Variants in PASK observed in about 807,000 individuals in gnomAD.
PASK encodes PAS domain containing serine/threonine kinase, also known as PAS domain-containing serine/threonine-protein kinase.
PASK carries 110 observed loss-of-function variants against 121.0 expected under a neutral mutation model. The ratio of observed to expected loss-of-function variants is 0.91; its 90% CI spans 0.78 to 1.06. The LOEUF (loss-of-function observed/expected upper bound fraction) is 1.06. Ranked by LOEUF, PASK falls within the 50% of genes least tolerant of loss-of-function variation. The pLI, the probability that PASK is intolerant of heterozygous loss-of-function variation, is 0.00. For missense variants in PASK, 1,643 were observed against 1,702.3 expected, an observed-to-expected ratio of 0.97 and a Z score of 0.61; for synonymous variants, 686 against 717.8, an observed-to-expected ratio of 0.96 and a Z score of 0.71.
chr2:241,115,934 A>G lies in PASK; in HGVS notation c.3073-521T>C, dbSNP rs62187392. ...TCCCGTTACACCAGGGGCCACCATC[A>G]GTCCTCAAGCATCCCATTACGCCGG... On this transcript the variant is annotated intron_variant, in intron 12 of 17. Coordinates refer to ENST00000234040, the MANE Select transcript of PASK (RefSeq NM_015148.4). Among the ~76,000 whole-genome samples the G allele has an allele frequency of 2.8e-3, 213 of 76,734 alleles. 10 individuals are homozygous for G. Among genetic ancestry groups the G allele is most frequent in the East Asian group, 0.015 (17 of 1,104 alleles). The allele number at this position is 76,734 out of a possible 152,430, so 50.3% of individuals were successfully genotyped here.
intron 2 of PASK, among the ~76,000 whole-genome samples, chr2:241,141,111 C>A (rs762586157): frequency 1.8e-4 from 28 of 152,198 alleles, no homozygotes; most frequent in Admixed American, 6.5e-4. Flanking sequence ...GAGACCCTGT[C>A]CCTACTAAAA....
rs201811589 is a variant in PASK, at chr2:241,126,978, G to A, written c.1937C>T (p.Pro646Leu). The change falls in exon 10 of 18, where the codon CCG becomes CTG. Residue 646 changes from proline (P) to leucine (L), a missense_variant. By Grantham distance (98) the Pro-to-Leu change is moderately conservative. Coordinates refer to ENST00000234040, the MANE Select transcript of PASK (RefSeq NM_015148.4). ...TCGGTCGTTTTCCACTCCCAGCCACGGCTCATCTAGAGTAGGTGTCCCAAA... is the reference window on the plus strand; with the variant it reads ...TCGGTCGTTTTCCACTCCCAGCCACAGCTCATCTAGAGTAGGTGTCCCAAA... ...LSFGTPTLDE[P>L]WLGVENDREE... is the part of the protein sequence containing the mutation. 1.5e-4 allele frequency: 249 copies of A among 1,614,124 alleles called. 1 individual carries two copies. The highest frequency in any genetic ancestry group is 1.8e-4 in the Non-Finnish European group (207 of 1,180,042).
chr2:241,130,584 A>G lies in PASK; in HGVS notation c.1463+2290T>C, dbSNP rs555117639. Among the ~76,000 whole-genome samples, 12 of 152,238 alleles carry G rather than the reference A, an allele frequency of 7.9e-5. No homozygotes were observed. The East Asian group carries it at 2.1e-3, about 27-fold the overall frequency. ...TGGTGGCACCTCTGGAGAGGTGCGC[A>G]CAGCAATATTATTCATAGTAATATT... is the stretch of plus-strand genomic sequence containing the variant. On this transcript the variant is annotated intron_variant, in intron 9 of 17. Coordinates refer to ENST00000234040, the MANE Select transcript of PASK (RefSeq NM_015148.4).
chr2:241,129,020 G>T (rs878915757), intron 9 of PASK, among the ~76,000 whole-genome samples: 8 of 117,996 alleles, frequency 6.8e-5, no homozygotes, highest in Non-Finnish European at 9.3e-5. Context: ...CATGTCTCCC[G>T]CCTCTCTCCC....
rs145051433 is a variant in PASK at position 241,115,395 on chromosome 2, T to C, written c.3091A>G (p.Lys1031Glu). 236 of 1,613,842 alleles carry C rather than the reference T, an allele frequency of 1.5e-4. No homozygotes were observed. The highest frequency in any genetic ancestry group is 2.0e-4 in the Non-Finnish European group (231 of 1,179,834). The change falls in exon 13 of 18, where the codon AAG (lysine) becomes GAG (glutamate). Residue 1031 changes from lysine to glutamate, a missense_variant. Coordinates refer to ENST00000234040, the MANE Select transcript of PASK (RefSeq NM_015148.4). ...KNKEVVVKFI[K>E]KEKVLEDCWI... ...CAATCCTCCAAGACCTTCTCCTTCT[T>C]AATAAACTTCACCACCACCTGTGAG...
rs777032152 is a variant in PASK, at chr2:241,142,987, G to A, written c.46C>T (p.Leu16Phe). ...ACTGGCAAGGGGAGGCTCTGGGAAA[G>A]GCATCTCTGGTCCTCTTCAAAGGCT... is the stretch of plus-strand genomic sequence containing the variant. ...LTAFEEDQRC[L>F]SQSLPLPVSA... is the part of the protein sequence containing the mutation. Residue 16 changes from leucine to phenylalanine, a missense_variant, in exon 2 of 18, where the codon CTT (leucine) becomes TTT (phenylalanine). Transcript: ENST00000234040. The A allele has an allele frequency of 6.2e-6, 10 of 1,613,926 alleles. No homozygotes were observed. Among genetic ancestry groups the A allele is most frequent in the Admixed American group, 5.0e-5 (3 of 60,004 alleles).
rs142827509 is a variant in PASK, at chr2:241,112,423, C to T, written c.3350G>A (p.Gly1117Glu). 818 of 1,613,128 alleles carry T rather than the reference C, an allele frequency of 5.1e-4. 2 individuals carry two copies. The highest frequency in any genetic ancestry group is 3.5e-4 in the Non-Finnish European group (415 of 1,179,298). ...YIFRQLVSAV[G>E]YLRLKDIIHR... is the part of the protein sequence containing the mutation. ...GATGATGTCCTTCAAGCGCAGGTAT[C>T]CCACTGCTGACACTAGCTGGAATCA... Residue 1117 changes from glycine to glutamate, a missense_variant, in exon 15 of 18, where the codon GGA becomes GAA. Coordinates refer to ENST00000234040, the MANE Select transcript of PASK (RefSeq NM_015148.4). The surrounding 1 kb of genome is among the most constrained non-coding windows in gnomAD (Gnocchi z 5.2).
In PASK at chr2:241,135,861, G is replaced by A. The variant is rs764846017; in HGVS notation, c.1306+10C>T. On this transcript the variant is annotated intron_variant, in intron 8 of 17. Transcript: ENST00000234040. ...CTACAGGCGCATTCAGGAGGAAGAG[G>A]ACGTCTTACCCTGGCCCCCCTCAGC... The A allele has an allele frequency of 6.2e-7, 1 of 1,613,020 alleles. No homozygotes were observed. Among genetic ancestry groups the A allele is most frequent in the Non-Finnish European group, 8.5e-7 (1 of 1,179,108 alleles).
rs374651084 is a variant in PASK at position 241,132,898 on chromosome 2, C to G, written c.1439G>C (p.Cys480Ser). Reference sequence around the variant, plus strand: ...CCCTGGAGCAGGCTGAGGTGAGAGGCAGGAAAGGAGCTGGCCTCCAGCAAT... The same window carrying G: ...CCCTGGAGCAGGCTGAGGTGAGAGGGAGGAAAGGAGCTGGCCTCCAGCAAT... ...ELIAGGQLLS[C>S]LSPQPAPGVD... Residue 480 changes from cysteine (C) to serine (S), a missense_variant, in exon 9 of 18, where the codon TGC becomes TCC. By Grantham distance (112) the Cys-to-Ser change is moderately radical (BLOSUM62 -1). Around this residue, in one of 3 missense-constraint regions of PASK, gnomAD observed 1,176 missense variants for 1,162.2 expected, o/e 1.01. Transcript: ENST00000234040. 6.2e-7 allele frequency: 1 copy of G among 1,614,130 alleles called. No homozygotes were observed. Among genetic ancestry groups the G allele is most frequent in the Non-Finnish European group, 8.5e-7 (1 of 1,179,972 alleles).
chr2:241,131,025 C>G (rs1277139837), intron 9 of PASK, among the ~76,000 whole-genome samples: 1 of 152,200 alleles, frequency 6.6e-6, no homozygotes, highest in Non-Finnish European at 1.5e-5. Context: ...AAGGCTCTAA[C>G]TGCTGACTGC....
chr2:241,121,982 G>C (rs905620044), intron 12 of PASK, among the ~76,000 whole-genome samples: 3 of 152,108 alleles, frequency 2.0e-5, no homozygotes, highest in Non-Finnish European at 2.9e-5. Flanking sequence ...AAAACAAAAA[G>C]ATATCTGAAC....
At chr2:241,119,390 A>G (rs1439399709) in intron 12 of PASK, among the ~76,000 whole-genome samples, 1 of 151,436 alleles carries the variant, frequency 6.6e-6, no homozygotes, top group Non-Finnish European at 1.5e-5. Context: ...CCACCCTCCA[A>G]GGGCCTCCTC....
At chr2:241,138,270 G>T (rs1470413) in intron 5 of PASK, among the ~76,000 whole-genome samples, 183 bp from the exon 6 acceptor site, 1 of 152,082 alleles carries the variant, frequency 6.6e-6, no homozygotes, top group African/African-American at 2.4e-5. Flanking sequence ...TACCAGAGAC[G>T]TACCTAAATT....
intron 10 of PASK, among the ~76,000 whole-genome samples, 174 bp downstream of exon 10, chr2:241,126,022 C>A (rs919108799): frequency 1.3e-5 from 2 of 152,202 alleles, no homozygotes; most frequent in Non-Finnish European, 2.9e-5. Flanking sequence ...CACACACATT[C>A]GTAATCTTAA....
Position 241,137,174 on chromosome 2 carries a change from C to A in PASK, c.967G>T (p.Glu323Ter). 1 of 1,613,020 alleles carries A rather than the reference C, an allele frequency of 6.2e-7. No individual in the cohort carries two copies. The highest frequency in any genetic ancestry group is 8.5e-7 in the Non-Finnish European group (1 of 1,179,254). ...LKLKSQPSSE[E>*]ATTGEAAPVS... ...GGGGCCGCCTCACCGGTGGTCGCCT[C>A]CTCGCTGCTGGGTTGGGATTTCAGC... The change falls in exon 7 of 18, where the codon GAG becomes TAG. Residue 323 changes from glutamate to a stop codon, truncating the protein, a stop_gained. Coordinates refer to ENST00000234040, the MANE Select transcript of PASK (RefSeq NM_015148.4). LOFTEE classifies it high-confidence loss of function.
chr2:241,121,264 G>C (rs998597725), intron 12 of PASK, among the ~76,000 whole-genome samples: 2 of 152,210 alleles, frequency 1.3e-5, no homozygotes, highest in African/African-American at 2.4e-5. Flanking sequence ...CGTTTGTGGT[G>C]ATGGTTGCAC....
At chr2:241,136,114 G>T in intron 7 of PASK, 75 bp from the exon 8 acceptor site, 3 of 1,305,250 alleles carry the variant, frequency 2.3e-6, no homozygotes, top group Middle Eastern at 1.8e-4. Context: ...CCTGGGGGAG[G>T]AATGAACACA....
At chr2:241,123,868 A>T (rs1465122838) in intron 11 of PASK, 81 bp downstream of exon 11, 3 of 1,205,838 alleles carry the variant, frequency 2.5e-6, no homozygotes, top group Non-Finnish European at 3.7e-6. Context: ...GTCCCCAAGG[A>T]AACAGAGAGA....
intron 3 of PASK, among the ~76,000 whole-genome samples, 200 bp from the exon 4 acceptor site, chr2:241,140,255 C>T (rs1340432031): frequency 1.3e-5 from 2 of 152,074 alleles, no homozygotes; most frequent in East Asian, 1.9e-4. Flanking sequence ...ACCTTGAACT[C>T]CTGGGTTCAA....
Sources: allele counts gnomAD v4.1 joint callset (sites outside exome capture counted in the v4.1 genomes callset), GRCh38; gene constraint gnomAD v4.1.1; regional missense constraint gnomAD v4.1.1; non-coding constraint Gnocchi (gnomAD v3.1); transcripts MANE v1.5; gene names NCBI Gene and HGNC (gene_info 2026-07-23, HGNC 2026-07-21).